The following CENPE variants were observed in gnomAD, a reference collection of about 807,000 sequenced individuals.
The protein encoded by CENPE is centromere-associated protein E.
CENPE carries 145 observed loss-of-function variants against 336.1 expected under a neutral mutation model. The observed-to-expected ratio is 0.43, with a 90% confidence interval of 0.38 to 0.50. The LOEUF (loss-of-function observed/expected upper bound fraction) is 0.50, where lower values mean the gene tolerates loss of function less well. CENPE is among the 20% of genes least tolerant of loss of function. The pLI is 0.00. For missense variants in CENPE, 2,719 were observed against 3,023.3 expected (o/e 0.90, Z 2.36); for synonymous variants, 1,013 against 984.8 (o/e 1.03, Z -0.54).
intron 16 of CENPE, among the ~76,000 whole-genome samples, chr4:103,169,578 A>G (rs78820409): frequency 0.034 from 5,192 of 152,310 alleles, 115 homozygotes; most frequent in Middle Eastern, 0.078. Flanking sequence ...CATTATGGTT[A>G]GCAGTAGACT....
intron 44 of CENPE, among the ~76,000 whole-genome samples, chr4:103,117,622 CTTTTTTTTTTTTT>C (rs771337112): frequency 8.7e-6 from 1 of 115,064 alleles, no homozygotes; most frequent in Non-Finnish European, 1.8e-5. Flanking sequence ...ATTTTCTTTC[CTTTTTTTTTTTTT>C]TTTTTTTTTT....
intron 39 of CENPE, among the ~76,000 whole-genome samples, chr4:103,137,274 C>G (rs1269596104): frequency 6.6e-6 from 1 of 152,080 alleles, no homozygotes; most frequent in Non-Finnish European, 1.5e-5. Context: ...ACCTGGCATA[C>G]AGTAGACATG....
Position 103,113,541 on chromosome 4 carries a change from TATATATA to T in CENPE, c.7540+907_7540+913del, listed in dbSNP as rs1277794484. 2.4e-3 allele frequency among the ~76,000 whole-genome samples: 325 copies of T among 138,078 alleles called. 1 individual carries two copies. Among genetic ancestry groups the T allele is most frequent in the African/African-American group, 8.6e-3 (308 of 35,746 alleles). 90.6% of individuals were successfully genotyped at this position (138,078 alleles called of 152,430 possible). Reference sequence around the variant, plus strand: ...TATATATTATATATAATATATAACTTATATATAATATATAATATATAAGTAATATATA... The same window carrying T: ...TATATATTATATATAATATATAACTTATATATAATATATAAGTAATATATA... On this transcript the variant is annotated intron_variant, in intron 46 of 48. Transcript: ENST00000265148.
intron 34 of CENPE, among the ~76,000 whole-genome samples, chr4:103,142,938 G>A (rs1752689513): frequency 6.8e-6 from 1 of 146,844 alleles, no homozygotes; most frequent in Non-Finnish European, 1.5e-5. Context: ...GAACCCGGGA[G>A]GCAGACATTG....
intron 11 of CENPE, 134 bp downstream of exon 11, chr4:103,182,628 G>T: frequency 1.6e-6 from 1 of 627,940 alleles, no homozygotes; most frequent in Non-Finnish European, 2.4e-6. Context: ...ATTAAGAAAT[G>T]CTATTTAGTA....
intron 12 of CENPE, 87 bp downstream of exon 12, chr4:103,181,250 C>A: frequency 1.1e-6 from 1 of 896,716 alleles, no homozygotes; most frequent in South Asian, 3.3e-5. Flanking sequence ...CTCAGATATT[C>A]AGGAATGAAG....
At position 103,153,296 on chromosome 4, in the gene CENPE, A is replaced by G. The variant is rs1234700262; in HGVS notation, c.3034-46T>C. On this transcript the variant is annotated intron_variant, in intron 24 of 48. Coordinates refer to ENST00000265148, the MANE Select transcript of CENPE (RefSeq NM_001813.3). ...AGAAGAATTTCTTAAGTAGTTAACA[A>G]CAACTTTAAAAAATAATAAAAATAG... 2.3e-6 allele frequency: 3 copies of G among 1,297,584 alleles called. No homozygotes were observed. In the African/African-American group the frequency reaches 4.5e-5, roughly 19 times the overall value. The allele number at this position is 1,297,584 out of a possible 1,614,324, so 80.4% of individuals were successfully genotyped here.
intron 12 of CENPE, among the ~76,000 whole-genome samples, chr4:103,180,873 A>AT (rs1046023272): frequency 3.3e-5 from 5 of 152,262 alleles, no homozygotes; most frequent in East Asian, 1.9e-4. Flanking sequence ...TTAATGCGTG[A>AT]TTTTTTACAA....
chr4:103,158,933 C>A, intron 22 of CENPE, 47 bp from the exon 23 acceptor site: 1 of 1,559,818 alleles, frequency 6.4e-7, no homozygotes, highest in African/African-American at 1.4e-5. Context: ...GCAGAGCAGT[C>A]TGAGGCATAC....
At chr4:103,163,389 CCTT>C in intron 17 of CENPE, 87 bp downstream of exon 17, 2 of 1,258,948 alleles carry the variant, frequency 1.6e-6, no homozygotes, top group Non-Finnish European at 2.2e-6. Flanking sequence ...AACATAATTC[CCTT>C]ATTTCTGACA....
rs1331451019 is a variant in CENPE at position 103,158,592 on chromosome 4, G to T, written c.2874+22C>A. 5 of 1,566,920 alleles carry T rather than the reference G, an allele frequency of 3.2e-6. No homozygotes were observed. The African/African-American group carries it at 5.5e-5, about 17-fold the overall frequency. On this transcript the variant is annotated intron_variant, in intron 23 of 48. Transcript: ENST00000265148. ...TTTTAAGAGTCTCCAATTTTTCAAA[G>T]TTTAATCAATCAAAACCTTACCATG...
intron 46 of CENPE, among the ~76,000 whole-genome samples, chr4:103,113,319 TA>T (rs1256701524): frequency 1.4e-5 from 2 of 143,004 alleles, no homozygotes; most frequent in Non-Finnish European, 3.0e-5. Context: ...TATTCTCCTG[TA>T]AAAAAGTATG....
intron 16 of CENPE, among the ~76,000 whole-genome samples, chr4:103,169,487 T>G (rs1051267154): frequency 6.6e-6 from 1 of 152,088 alleles, no homozygotes; most frequent in East Asian, 1.9e-4. Flanking sequence ...ATATTCAAAC[T>G]CAAAAGTCAA....
chr4:103,177,796 A>G (rs907041071), intron 13 of CENPE, among the ~76,000 whole-genome samples: 34 of 151,880 alleles, frequency 2.2e-4, no homozygotes, highest in African/African-American at 7.0e-4. Context: ...TGAAATGGCC[A>G]GCCCTTTCCA....
chr4:103,118,392 T>C (rs1400370028), intron 44 of CENPE, among the ~76,000 whole-genome samples: 1 of 152,244 alleles, frequency 6.6e-6, no homozygotes, highest in Non-Finnish European at 1.5e-5. Context: ...GGTTGTTTCC[T>C]ATTGTTGGTT....
chr4:103,168,560 G>A (rs1278599203), intron 16 of CENPE, among the ~76,000 whole-genome samples: 1 of 152,200 alleles, frequency 6.6e-6, no homozygotes, highest in African/African-American at 2.4e-5. Context: ...AGCACATTCT[G>A]AATTAACTCT....
At chr4:103,193,640 T>C (rs2126055949) in intron 8 of CENPE, among the ~76,000 whole-genome samples, 1 of 152,270 alleles carries the variant, frequency 6.6e-6, no homozygotes, top group South Asian at 2.1e-4. Flanking sequence ...GCATAATGCA[T>C]ATATTCGCTT....
chr4:103,183,020 G>A (rs1187504601), intron 10 of CENPE, 129 bp from the exon 11 acceptor site: 2 of 975,404 alleles, frequency 2.1e-6, no homozygotes, highest in African/African-American at 4.1e-5. Context: ...ATATGAGGCA[G>A]ATTAAAACTA....
intron 35 of CENPE, among the ~76,000 whole-genome samples, 196 bp from the exon 36 acceptor site, chr4:103,141,300 C>G (rs1405750089): frequency 6.6e-6 from 1 of 152,048 alleles, no homozygotes; most frequent in Non-Finnish European, 1.5e-5. Context: ...CTTAATTATT[C>G]TTGACACAGG....
Sources: gnomAD v4.1 joint callset for allele counts (sites outside exome capture counted in the v4.1 genomes callset) on GRCh38, gnomAD v4.1.1 for gene constraint, MANE v1.5 for transcripts, NCBI Gene and HGNC (gene_info 2026-07-23, HGNC 2026-07-21) for gene names.